The following PNISR variants were observed in gnomAD, a reference collection of about 807,000 sequenced individuals.
PNISR encodes arginine/serine-rich protein PNISR.
In PNISR, 20 loss-of-function variants were observed where a neutral mutation model predicts 93.4. That is an observed-to-expected ratio of 0.21 (90% confidence interval 0.15 to 0.31). The LOEUF (loss-of-function observed/expected upper bound fraction) is 0.31, where lower values mean the gene tolerates loss of function less well. PNISR is among the 10% of genes least tolerant of loss of function. The probability of loss-of-function intolerance (pLI) is 1.00; values close to 1 mark genes in which losing one functional copy is unlikely to be tolerated. For missense variants in PNISR, 893 were observed against 985.4 expected (o/e 0.91, Z 1.25); for synonymous variants, 305 against 306.5 (o/e 0.99, Z 0.05).
intron 1 of PNISR, among the ~76,000 whole-genome samples, chr6:99,423,975 G>C (rs947034061): frequency 6.6e-6 from 1 of 152,008 alleles, no homozygotes; most frequent in Non-Finnish European, 1.5e-5. Flanking sequence ...ATTGGGCTAA[G>C]GTCCACCCTA....
intron 4 of PNISR, among the ~76,000 whole-genome samples, chr6:99,411,438 T>G (rs1350392037): frequency 6.6e-6 from 1 of 152,032 alleles, no homozygotes; most frequent in African/African-American, 2.4e-5. Flanking sequence ...GGTCACAAAG[T>G]AGAGTAAAAC....
chr6:99,406,758 C>T (rs1562236389), intron 7 of PNISR, among the ~76,000 whole-genome samples: 1 of 152,100 alleles, frequency 6.6e-6, no homozygotes, highest in Non-Finnish European at 1.5e-5. Context: ...TGTCTCCTGT[C>T]TTTGTATGGT....
chr6:99,415,785 A>G (rs1183706440), intron 2 of PNISR: 1 of 152,214 alleles, frequency 6.6e-6, no homozygotes, highest in African/African-American at 2.4e-5. Context: ...GTATTGCAGG[A>G]TCACAAAAAG....
At chr6:99,407,482 A>G (rs767354633) in intron 7 of PNISR, among the ~76,000 whole-genome samples, 1 of 152,208 alleles carries the variant, frequency 6.6e-6, no homozygotes, top group Non-Finnish European at 1.5e-5. Flanking sequence ...AGCAAAACTA[A>G]TACCTGCCAA....
Position 99,401,087 on chromosome 6 carries a change from C to T in PNISR, c.1871G>A (p.Arg624Lys), listed in dbSNP as rs767125878. 1 of 1,613,646 alleles carries T rather than the reference C, an allele frequency of 6.2e-7. No homozygotes were observed. The highest frequency in any genetic ancestry group is 1.7e-5 in the Admixed American group (1 of 59,996). The change falls in exon 12 of 12, where the codon AGG becomes AAG. Residue 624 changes from arginine (R) to lysine (K), a missense_variant. By Grantham distance (26) the Arg-to-Lys change is conservative (BLOSUM62 2). Transcript: ENST00000369239. Reference protein sequence around the residue: ...RERRRSRSRSRDRRTNRASRS... With the variant: ...RERRRSRSRSKDRRTNRASRS... ...ACTGGCACGATTGGTTCGTCTATCC[C>T]TTGAGCGACTTCTACTTCTACGTCT...
At chr6:99,405,973 C>CA (rs11309252) in intron 8 of PNISR, 58 bp downstream of exon 8, 68 of 1,292,584 alleles carry the variant, frequency 5.3e-5, no homozygotes, top group Admixed American at 9.0e-5. Flanking sequence ...ATATTGTCTC[C>CA]AAAAAAAATT....
At chr6:99,418,447 TAAAA>T (rs35015605) in intron 1 of PNISR, among the ~76,000 whole-genome samples, 1 of 144,260 alleles carries the variant, frequency 6.9e-6, no homozygotes, top group African/African-American at 2.6e-5. Flanking sequence ...AAGCTTTTAT[TAAAA>T]AAAAAAAAAA....
chr6:99,422,899 A>C (rs1004517847), intron 1 of PNISR, among the ~76,000 whole-genome samples: 5 of 145,502 alleles, frequency 3.4e-5, no homozygotes, highest in African/African-American at 5.0e-5. Context: ...AAAAAAAAAA[A>C]CTGGAGAATT....
chr6:99,409,698 C>G (rs13437059), intron 5 of PNISR: 1 of 172,888 alleles, frequency 5.8e-6, no homozygotes, highest in Admixed American at 5.5e-5. Context: ...ATTTCAACAT[C>G]CTACTTACAG....
At position 99,400,450 on chromosome 6, in the gene PNISR, T is replaced by C. The variant is rs777967725; in HGVS notation, c.*90A>G. 6.1e-6 allele frequency: 9 copies of C among 1,481,328 alleles called. No individual in the cohort carries two copies. Among genetic ancestry groups the C allele is most frequent in the Non-Finnish European group, 7.2e-6 (8 of 1,118,078 alleles). The allele number at this position is 1,481,328 out of a possible 1,614,324, so 91.8% of individuals were successfully genotyped here. A position where few individuals can be genotyped will look rare whatever the true frequency, so the allele number is the denominator to read the frequency against. Reference sequence around the variant, plus strand: ...TATTTATCAAGTACCAAACTGAGTTTATTAAAGAGAGAGAGAAAGGACACT... The same window carrying C: ...TATTTATCAAGTACCAAACTGAGTTCATTAAAGAGAGAGAGAAAGGACACT... On this transcript the variant is annotated 3_prime_UTR_variant, in exon 12 of 12. Transcript: ENST00000369239.
chr6:99,404,537 A>G (rs1313380997), intron 9 of PNISR, 66 bp downstream of exon 9: 8 of 820,884 alleles, frequency 9.7e-6, no homozygotes. Flanking sequence ...CAACAAAAAA[A>G]GGCCAAAATA....
chr6:99,402,772 C>G, intron 10 of PNISR, 62 bp from the exon 11 acceptor site: 1 of 1,255,296 alleles, frequency 8.0e-7, no homozygotes, highest in Non-Finnish European at 1.1e-6. Context: ...AAAAACTTTT[C>G]AAGGTCTGAG....
chr6:99,404,194 G>C, intron 9 of PNISR: 3 of 377,894 alleles, frequency 7.9e-6, no homozygotes, highest in Non-Finnish European at 1.4e-5. Flanking sequence ...AAAAATCTAG[G>C]GGTAGGAAAT....
chr6:99,405,199 T>A (rs1384748189), intron 8 of PNISR, among the ~76,000 whole-genome samples: 1 of 151,898 alleles, frequency 6.6e-6, no homozygotes, highest in Non-Finnish European at 1.5e-5. Context: ...GTGCAGTGGC[T>A]CACACCTGTA....
At position 99,412,562 on chromosome 6, in the gene PNISR, A is replaced by G. The variant is rs1274677724; in HGVS notation, c.266T>C (p.Met89Thr). 1.6e-5 allele frequency: 26 copies of G among 1,587,760 alleles called. 1 individual carries two copies. Among genetic ancestry groups the G allele is most frequent in the Non-Finnish European group, 2.2e-5 (26 of 1,169,200 alleles). The change falls in exon 4 of 12, where the codon ATG becomes ACG. Residue 89 changes from methionine (M) to threonine (T), a missense_variant. By Grantham distance (81) the Met-to-Thr change is moderately conservative. Around this residue, in one of 3 missense-constraint regions of PNISR, gnomAD observed 866 missense variants for 935.1 expected, o/e 0.93. Transcript: ENST00000369239. ...NFQGDSNFNRMWQPEWGMHQQ... is the reference protein window; with the variant it reads ...NFQGDSNFNRTWQPEWGMHQQ... The stretch of plus-strand genomic sequence containing the variant: ...CATAAACAACAAACCTGGTTGCCAC[A>G]TTCTGTTGAAGTTTGAATCCCCTTG...
Position 99,403,900 on chromosome 6 carries a change from A to C in PNISR, c.1103-18T>G. On this transcript the variant is annotated intron_variant, in intron 9 of 11. Coordinates refer to ENST00000369239, the MANE Select transcript of PNISR (RefSeq NM_032870.4). ...TGCAGGAGCTTTGTATCACATCAAC[A>C]ACAGGAACAACATGTTAACACAAAT... 1 of 1,600,174 alleles carries C rather than the reference A, an allele frequency of 6.2e-7. No individual in the cohort carries two copies. Among genetic ancestry groups the C allele is most frequent in the Non-Finnish European group, 8.6e-7 (1 of 1,167,924 alleles).
intron 1 of PNISR, among the ~76,000 whole-genome samples, chr6:99,420,207 G>A (rs10457645): frequency 0.13 from 19,859 of 152,130 alleles, 1,858 homozygotes; most frequent in Non-Finnish European, 0.18. Context: ...AAAAAGAAAA[G>A]GCCTCAAGTG....
In PNISR at chr6:99,399,771, C is replaced by A. The variant is rs1310042995; in HGVS notation, c.*769G>T. 6.6e-6 allele frequency: 1 copy of A among 152,138 alleles called. No homozygotes were observed. The highest frequency in any genetic ancestry group is 1.5e-5 in the Non-Finnish European group (1 of 68,000). 9.4% of individuals were successfully genotyped at this position (152,138 alleles called of 1,614,324 possible). A position where few individuals can be genotyped will look rare whatever the true frequency, so the allele number is the denominator to read the frequency against. ...TAAAGGTCTATTTCTAGCCCTCTTTCATACCCTTAAAGTTGGAATCTGGCA... is the reference window on the plus strand; with the variant it reads ...TAAAGGTCTATTTCTAGCCCTCTTTAATACCCTTAAAGTTGGAATCTGGCA... On this transcript the variant is annotated 3_prime_UTR_variant, in exon 12 of 12. Coordinates refer to ENST00000369239, the MANE Select transcript of PNISR (RefSeq NM_032870.4).
At chr6:99,424,882 C>T (rs750460668) in intron 1 of PNISR, 3 of 215,610 alleles carry the variant, frequency 1.4e-5, no homozygotes, top group Non-Finnish European at 2.7e-5. Context: ...CCCCCATGAA[C>T]CCCCTTCCCA....
Sources: allele counts gnomAD v4.1 joint callset (sites outside exome capture counted in the v4.1 genomes callset), GRCh38; gene constraint gnomAD v4.1.1; regional missense constraint gnomAD v4.1.1; transcripts MANE v1.5; gene names NCBI Gene and HGNC (gene_info 2026-07-23, HGNC 2026-07-21).